CHRM3: variants seen among roughly 807,000 people sequenced by gnomAD.
CHRM3 encodes muscarinic acetylcholine receptor M3.
In CHRM3, 11 loss-of-function variants were observed where a neutral mutation model predicts 41.8. That is an observed-to-expected ratio of 0.26 (90% confidence interval 0.17 to 0.44). The LOEUF is 0.44. Among genes scored for constraint, CHRM3 ranks in the 20% least tolerant of loss-of-function variants. CHRM3 has a pLI of 1.00. For missense variants in CHRM3, 571 were observed against 745.4 expected (o/e 0.77, Z 2.72); for synonymous variants, 297 against 301.4 (o/e 0.99, Z 0.15).
chr1:239,562,946 C>T (rs1367123308), intron 3 of CHRM3, among the ~76,000 whole-genome samples: 4 of 150,070 alleles, frequency 2.7e-5, no homozygotes, highest in South Asian at 2.1e-4. Context: ...TGTTTTTCAC[C>T]ATGTAAAGAA....
intron 3 of CHRM3, among the ~76,000 whole-genome samples, chr1:239,565,678 T>G (rs1459251415): frequency 6.6e-6 from 1 of 152,166 alleles, no homozygotes; most frequent in African/African-American, 2.4e-5. Flanking sequence ...TTAGTCTTTT[T>G]AAAAGTTTCA....
At chr1:239,441,422 T>C (rs1175449639) in intron 1 of CHRM3, among the ~76,000 whole-genome samples, 2 of 152,196 alleles carry the variant, frequency 1.3e-5, no homozygotes, top group Non-Finnish European at 2.9e-5. Flanking sequence ...GGTCAGAGGG[T>C]GAGGTGACAT....
intron 5 of CHRM3, among the ~76,000 whole-genome samples, chr1:239,738,619 A>G (rs1045486805): frequency 5.3e-5 from 8 of 151,412 alleles, no homozygotes; most frequent in African/African-American, 2.0e-4. Context: ...AAACATGTCA[A>G]ATAAATGATT....
intron 4 of CHRM3, among the ~76,000 whole-genome samples, chr1:239,666,082 A>G (rs1017082737): frequency 6.6e-6 from 1 of 152,142 alleles, no homozygotes; most frequent in Non-Finnish European, 1.5e-5. Context: ...TAGATCCTTG[A>G]GGAATCACCA....
intron 6 of CHRM3, among the ~76,000 whole-genome samples, chr1:239,902,998 A>G (rs540270009): frequency 6.6e-6 from 1 of 152,318 alleles, no homozygotes; most frequent in South Asian, 2.1e-4. Flanking sequence ...GTCAAAGTGT[A>G]AGAAGAATGA....
chr1:239,841,884 G>A (rs1329056991), intron 6 of CHRM3, among the ~76,000 whole-genome samples: 2 of 152,200 alleles, frequency 1.3e-5, no homozygotes, highest in Admixed American at 6.5e-5. Context: ...GAGAGAAGTT[G>A]TGCAAAATTA....
At chr1:239,549,697 A>G (rs1326278468) in intron 3 of CHRM3, among the ~76,000 whole-genome samples, 1 of 151,094 alleles carries the variant, frequency 6.6e-6, no homozygotes, top group Non-Finnish European at 1.5e-5. Context: ...CTTCTGAAGG[A>G]GACTGATTAA....
intron 5 of CHRM3, among the ~76,000 whole-genome samples, chr1:239,816,054 G>A (rs776691152): frequency 2.6e-5 from 4 of 151,822 alleles, no homozygotes; most frequent in Non-Finnish European, 5.9e-5. Flanking sequence ...AAAAAGAACA[G>A]ACTTCCATGC....
At chr1:239,702,395 ACTT>A (rs1660767668) in intron 5 of CHRM3, among the ~76,000 whole-genome samples, 1 of 152,144 alleles carries the variant, frequency 6.6e-6, no homozygotes, top group Non-Finnish European at 1.5e-5. Context: ...ACTGTACACA[ACTT>A]CTTCTGTTTG....
intron 1 of CHRM3, among the ~76,000 whole-genome samples, chr1:239,408,493 C>T (rs1660796406): frequency 7.1e-6 from 1 of 140,534 alleles, no homozygotes; most frequent in South Asian, 2.3e-4. Context: ...CACTGCACTC[C>T]AGCCTGGGCA....
chr1:239,622,306 G>T (rs1202469197), intron 3 of CHRM3, among the ~76,000 whole-genome samples: 3 of 152,112 alleles, frequency 2.0e-5, no homozygotes, highest in Non-Finnish European at 4.4e-5. Flanking sequence ...ATGAATCAAG[G>T]AGCAATTTTG....
At chr1:239,389,879 G>A (rs554062058) in intron 1 of CHRM3, among the ~76,000 whole-genome samples, 26 of 152,260 alleles carry the variant, frequency 1.7e-4, no homozygotes, top group Middle Eastern at 3.4e-3. Flanking sequence ...TTGCAGTGCC[G>A]GGAAGTTTAT....
intron 1 of CHRM3, among the ~76,000 whole-genome samples, chr1:239,468,641 T>C (rs1482772551): frequency 6.6e-6 from 1 of 152,236 alleles, no homozygotes; most frequent in East Asian, 1.9e-4. Context: ...TGTTTAGCAT[T>C]TGACATATTG....
intron 1 of CHRM3, among the ~76,000 whole-genome samples, chr1:239,477,954 A>T (rs1332941565): frequency 1.3e-5 from 2 of 152,192 alleles, no homozygotes; most frequent in African/African-American, 2.4e-5. Context: ...AGCGAGGCTG[A>T]TTGAAGCTGG....
chr1:239,473,390 C>T (rs1666263538), intron 1 of CHRM3, among the ~76,000 whole-genome samples: 1 of 151,248 alleles, frequency 6.6e-6, no homozygotes, highest in Non-Finnish European at 1.5e-5. Flanking sequence ...CAGAGAAAGA[C>T]ATCCCAAGAG....
intron 1 of CHRM3, among the ~76,000 whole-genome samples, chr1:239,477,913 C>A (rs1324456607): frequency 6.6e-6 from 1 of 152,158 alleles, no homozygotes; most frequent in Non-Finnish European, 1.5e-5. Context: ...CTGCTTAAAA[C>A]TGAGAGACAT....
chr1:239,750,678 A>G (rs1177924311), intron 5 of CHRM3, among the ~76,000 whole-genome samples: 1 of 152,220 alleles, frequency 6.6e-6, no homozygotes, highest in Non-Finnish European at 1.5e-5. Flanking sequence ...TGTTCAAATA[A>G]GGCAGATGCT....
chr1:239,394,121 A>G (rs890466589), intron 1 of CHRM3, among the ~76,000 whole-genome samples: 1 of 152,220 alleles, frequency 6.6e-6, no homozygotes, highest in African/African-American at 2.4e-5. Flanking sequence ...AACTAAACAA[A>G]TCTGGGTTGG....
intron 6 of CHRM3, among the ~76,000 whole-genome samples, chr1:239,879,319 G>T (rs1677390815): frequency 6.6e-6 from 1 of 152,184 alleles, no homozygotes; most frequent in South Asian, 2.1e-4. Context: ...GAGGCTCCCA[G>T]GAGATTCTGC....
Sources: gnomAD v4.1 joint callset for allele counts (sites outside exome capture counted in the v4.1 genomes callset) on GRCh38, gnomAD v4.1.1 for gene constraint, MANE v1.5 for transcripts, NCBI Gene and HGNC (gene_info 2026-07-23, HGNC 2026-07-21) for gene names.